NEK4: variants seen among roughly 807,000 people sequenced by gnomAD.
NEK4 encodes NIMA related kinase 4.
A neutral mutation model predicts 98.4 loss-of-function variants in NEK4; 86 were observed. The observed-to-expected ratio is 0.87, with a 90% CI of 0.73 to 1.05. The LOEUF is 1.05. NEK4 is among the 50% of genes least tolerant of loss of function. The probability of loss-of-function intolerance (pLI) is 0.00; values close to 1 mark genes in which losing one functional copy is unlikely to be tolerated. For missense variants in NEK4, 898 were observed against 950.3 expected (o/e 0.94, Z 0.72); for synonymous variants, 328 against 342.2 (o/e 0.96, Z 0.46).
At position 52,737,656 on chromosome 3, in the gene NEK4, C is replaced by T. The variant is rs138000848; in HGVS notation, c.2363G>A (p.Arg788His). The T allele has an allele frequency of 4.0e-5, 64 of 1,613,736 alleles. No individual in the cohort carries two copies. The East Asian group carries it at 4.9e-4, about 12-fold the overall frequency. ...LVEVLRTDVI[R>H]GLGVQLLEQV... ...CTCTAAAAGCTGAACTCCCAGGCCA[C>T]GAATTACATCAGTTCTCAAGACTTC... is the stretch of plus-strand genomic sequence containing the variant. The change falls in exon 15 of 16, where the codon CGT (arginine) becomes CAT (histidine). Residue 788 changes from arginine to histidine, a missense_variant. Arg to His is a conservative substitution (Grantham distance 29). Coordinates refer to ENST00000233027, the MANE Select transcript of NEK4 (RefSeq NM_003157.6).
At chr3:52,763,901 T>A (rs1467105753) in intron 4 of NEK4, among the ~76,000 whole-genome samples, 2 of 152,266 alleles carry the variant, frequency 1.3e-5, no homozygotes, top group Non-Finnish European at 2.9e-5. Flanking sequence ...ATCGGGATGT[T>A]CAATGCAGTA....
At chr3:52,713,349 G>C (rs1474864925) in intron 15 of NEK4, among the ~76,000 whole-genome samples, 1 of 152,212 alleles carries the variant, frequency 6.6e-6, no homozygotes, top group Non-Finnish European at 1.5e-5. Context: ...AGCCTAGGCT[G>C]TCTCATCCTT....
Position 52,743,450 on chromosome 3 carries a change from T to A in NEK4, c.1906A>T (p.Arg636Trp). The A allele has an allele frequency of 6.2e-7, 1 of 1,613,994 alleles. No homozygotes were observed. Among genetic ancestry groups the A allele is most frequent in the Non-Finnish European group, 8.5e-7 (1 of 1,179,900 alleles). ...CCTGCTACACTCAGAGACGCTTTCCTCACTGAAGGGCCTGAAAAGGCAAAC... is the reference window on the plus strand; with the variant it reads ...CCTGCTACACTCAGAGACGCTTTCCACACTGAAGGGCCTGAAAAGGCAAAC... ...EEMSSSGPSV[R>W]KASLSVAGPG... The change falls in exon 12 of 16, where the codon AGG (arginine) becomes TGG (tryptophan). Residue 636 changes from arginine to tryptophan, a missense_variant. By Grantham distance (101) the Arg-to-Trp change is moderately radical (BLOSUM62 -3). Transcript: ENST00000233027.
chr3:52,715,492 T>C (rs1000011731), intron 15 of NEK4, among the ~76,000 whole-genome samples: 9 of 152,214 alleles, frequency 5.9e-5, no homozygotes, highest in Non-Finnish European at 8.8e-5. Context: ...GTTCAAGCGA[T>C]TCTCTTGCCT....
chr3:52,766,752 C>T (rs559039845), intron 2 of NEK4, among the ~76,000 whole-genome samples: 23 of 151,440 alleles, frequency 1.5e-4, no homozygotes, highest in East Asian at 7.8e-4. Flanking sequence ...TTTGGGAGGC[C>T]GAGGCGGGTG....
intron 4 of NEK4, among the ~76,000 whole-genome samples, chr3:52,765,398 T>C (rs1021507622): frequency 1.3e-5 from 2 of 151,222 alleles, no homozygotes; most frequent in African/African-American, 2.4e-5. Flanking sequence ...CATGGATGCC[T>C]GAATCTATAA....
intron 14 of NEK4, among the ~76,000 whole-genome samples, chr3:52,738,048 C>T (rs1171211621): frequency 2.6e-5 from 4 of 151,918 alleles, no homozygotes; most frequent in Non-Finnish European, 4.4e-5. Flanking sequence ...CTCCTGACCT[C>T]GTGACCCACC....
Position 52,749,788 on chromosome 3 carries a change from G to A in NEK4, c.1410C>T (p.Ile470=), listed in dbSNP as rs921106437. 1.4e-4 allele frequency: 26 copies of A among 185,218 alleles called. No homozygotes were observed. Among genetic ancestry groups the A allele is most frequent in the Admixed American group, 1.2e-3 (20 of 16,132 alleles). 11.5% of individuals were successfully genotyped at this position (185,218 alleles called of 1,614,324 possible). ...LSPKLECSGT[I]LAHSNLRLLG... ...GGAGGCGGAGGTTGCTGTGAGCCAA[G>A]ATTGTGCCACTGCACTCCAGCTTGG... Residue 470 remains isoleucine, a synonymous_variant, in exon 8 of 16, where the codon ATC becomes ATT. Coordinates refer to ENST00000233027, the MANE Select transcript of NEK4 (RefSeq NM_003157.6).
intron 8 of NEK4, among the ~76,000 whole-genome samples, chr3:52,749,479 T>C (rs899548773): frequency 2.6e-5 from 4 of 151,964 alleles, no homozygotes; most frequent in African/African-American, 7.2e-5. Context: ...AACTGGTATC[T>C]AGAATAAAGA....
At chr3:52,737,797 T>A (rs1449858635) in intron 14 of NEK4, 78 bp from the exon 15 acceptor site, 2 of 1,056,262 alleles carry the variant, frequency 1.9e-6, no homozygotes, top group East Asian at 5.4e-5. Context: ...TTTTTTAAAA[T>A]TTTGTATTTT....
chr3:52,740,972 C>T (rs1274557578), intron 13 of NEK4, among the ~76,000 whole-genome samples: 2 of 150,720 alleles, frequency 1.3e-5, no homozygotes, highest in South Asian at 2.1e-4. Flanking sequence ...TGGTGGCTCA[C>T]GCCTGTAATC....
intron 10 of NEK4, 128 bp downstream of exon 10, chr3:52,745,933 G>A (rs1011483527): frequency 4.8e-5 from 40 of 829,152 alleles, no homozygotes; most frequent in Non-Finnish European, 7.8e-5. Flanking sequence ...ATATTGCCCA[G>A]GCCAGTCTTG....
chr3:52,717,130 G>A (rs2154101947), intron 15 of NEK4, among the ~76,000 whole-genome samples: 1 of 152,220 alleles, frequency 6.6e-6, no homozygotes, highest in Non-Finnish European at 1.5e-5. Context: ...GCCCAGGCCA[G>A]GTGTGTTGGC....
At position 52,723,403 on chromosome 3, in the gene NEK4, G is replaced by A. The variant is rs138765368; in HGVS notation, c.2434-11534C>T. 3.1e-3 allele frequency among the ~76,000 whole-genome samples: 477 copies of A among 152,094 alleles called. 3 individuals carry two copies. The highest frequency in any genetic ancestry group is 0.011 in the African/African-American group (444 of 41,488). On this transcript the variant is annotated intron_variant, in intron 15 of 15. Coordinates refer to ENST00000233027, the MANE Select transcript of NEK4 (RefSeq NM_003157.6). ...GCTGGAATTACAGGTGCATGCCACC[G>A]TGCCTAATTGTTGTACTTTTAGTGT...
In NEK4 at chr3:52,741,401, A is replaced by G; in HGVS notation, c.2093+10T>C. The G allele has an allele frequency of 6.5e-7, 1 of 1,546,686 alleles. No homozygotes were observed. The highest frequency in any genetic ancestry group is 8.9e-7 in the Non-Finnish European group (1 of 1,119,742). Reference sequence around the variant, plus strand: ...AGTTTATAAAGGGAGACAGAAAAACAAGAACTTACCCTTCCCCGTAATCCC... The same window carrying G: ...AGTTTATAAAGGGAGACAGAAAAACGAGAACTTACCCTTCCCCGTAATCCC... On this transcript the variant is annotated intron_variant, in intron 13 of 15. Transcript: ENST00000233027.
At chr3:52,752,917 A>AAAAAAAAAAAAAAAAT (rs1341504051) in intron 6 of NEK4, among the ~76,000 whole-genome samples, 1 of 83,952 alleles carries the variant, frequency 1.2e-5, no homozygotes, top group Non-Finnish European at 2.5e-5. Context: ...AAAAAAAAAA[A>AAAAAAAAAAAAAAAAT]ATATATATAT....
intron 10 of NEK4, among the ~76,000 whole-genome samples, chr3:52,745,712 A>G (rs1036569557): frequency 1.3e-5 from 2 of 152,198 alleles, no homozygotes; most frequent in Non-Finnish European, 2.9e-5. Flanking sequence ...AAAAAGCTTT[A>G]TAAGAAGGTT....
chr3:52,735,887 G>T (rs1375492943), intron 15 of NEK4, among the ~76,000 whole-genome samples: 1 of 152,192 alleles, frequency 6.6e-6, no homozygotes, highest in African/African-American at 2.4e-5. Flanking sequence ...AGCATTCACT[G>T]CCACCTTATC....
intron 4 of NEK4, among the ~76,000 whole-genome samples, chr3:52,764,635 A>AC (rs1698482820): frequency 1.3e-5 from 2 of 152,190 alleles, no homozygotes; most frequent in Admixed American, 6.5e-5. Context: ...TGTCTCAAAA[A>AC]AAAAAAAACT....
Sources: allele counts gnomAD v4.1 joint callset (sites outside exome capture counted in the v4.1 genomes callset), GRCh38; gene constraint gnomAD v4.1.1; transcripts MANE v1.5; gene names NCBI Gene and HGNC (gene_info 2026-07-23, HGNC 2026-07-21).